The following PCNX4 variants were observed in gnomAD, a reference collection of about 807,000 sequenced individuals.
PCNX4 encodes the protein pecanex-like protein 4.
In PCNX4, 103 loss-of-function variants were observed where a neutral mutation model predicts 107.2. The observed-to-expected ratio is 0.96, with a 90% CI of 0.82 to 1.13. The LOEUF (loss-of-function observed/expected upper bound fraction) is 1.13. Among genes scored for constraint, PCNX4 ranks in the 50% most tolerant of loss-of-function variants. PCNX4 has a pLI of 0.00. For synonymous variants in PCNX4, 541 were observed against 481.7 expected, an observed-to-expected ratio of 1.12 and a Z score of -1.61; for missense variants, 1,528 against 1,379.4, an observed-to-expected ratio of 1.11 and a Z score of -1.71.
chr14:60,104,148 G>A (rs970826001), intron 1 of PCNX4, among the ~76,000 whole-genome samples: 5 of 151,770 alleles, frequency 3.3e-5, no homozygotes, highest in African/African-American at 7.3e-5. Flanking sequence ...GTGAAACCCC[G>A]TCTCCACTAA....
In PCNX4 at chr14:60,092,410, G is replaced by A. The variant is rs1368349437; in HGVS notation, c.-63G>A. On this transcript the variant is annotated 5_prime_UTR_variant, in exon 1 of 11. It adds an upstream start codon to the 5' untranslated region. Transcript: ENST00000406854. ...GCCTTCGCGTCTTCTCTTCCCTCGG[G>A]TGACTTGAGGTACGTTCGTTGTCCG... is the stretch of plus-strand genomic sequence containing the variant. 1 of 152,314 alleles carries A rather than the reference G, an allele frequency of 6.6e-6. No individual in the cohort carries two copies. The highest frequency in any genetic ancestry group is 1.5e-5 in the Non-Finnish European group (1 of 68,092). 9.4% of individuals were successfully genotyped at this position (152,314 alleles called of 1,614,324 possible).
At chr14:60,100,000 G>A (rs1352403417) in intron 1 of PCNX4, among the ~76,000 whole-genome samples, 1 of 152,106 alleles carries the variant, frequency 6.6e-6, no homozygotes, top group Non-Finnish European at 1.5e-5. Context: ...AGGAGGCAGA[G>A]GTTACAGTGA....
intron 2 of PCNX4, 200 bp downstream of exon 2, chr14:60,108,527 G>T (rs1191429034): frequency 1.5e-5 from 6 of 395,894 alleles, no homozygotes. Flanking sequence ...ACTTATTAAA[G>T]AGTTTTTTTA....
rs1228372712 is a variant in PCNX4, at chr14:60,108,283, A to G, written c.645A>G (p.Arg215=). ...QDTYEIIPLM[R]PLYIFFFVSV... is the part of the protein sequence containing the mutation. ...CTTATGAAATTATTCCTCTTATGAG[A>G]CCTCTTTATATTTTTTTCTTTGTTT... The change falls in exon 2 of 11, where the codon AGA becomes AGG. Residue 215 remains arginine, a synonymous_variant. Coordinates refer to ENST00000406854, the MANE Select transcript of PCNX4 (RefSeq NM_001330177.2). The G allele has an allele frequency of 5.6e-6, 9 of 1,610,514 alleles. No individual in the cohort carries two copies. In the African/African-American group the frequency reaches 9.4e-5, roughly 17 times the overall value.
chr14:60,094,449 C>T (rs1895380186), intron 1 of PCNX4, among the ~76,000 whole-genome samples: 2 of 152,294 alleles, frequency 1.3e-5, no homozygotes, highest in South Asian at 4.1e-4. Flanking sequence ...TGACACATTC[C>T]AGGCGAGTTT....
In PCNX4 at chr14:60,147,085, T is replaced by G. The variant is rs1428186167; in HGVS notation, c.*12864T>G. On this transcript the variant is annotated 3_prime_UTR_variant, in exon 11 of 11. Transcript: ENST00000406854. The stretch of plus-strand genomic sequence containing the variant: ...CCGTCTCTACAAAAACTACAAAACC[T>G]AGCCAGGCATGGTGGTGTGCGCCTA... The G allele has an allele frequency of 1.3e-5, 2 of 151,952 alleles. No homozygotes were observed. Among genetic ancestry groups the G allele is most frequent in the South Asian group, 2.1e-4 (1 of 4,816 alleles). The allele number at this position is 151,952 out of a possible 1,614,324, so 9.4% of individuals were successfully genotyped here. A position where few individuals can be genotyped will look rare whatever the true frequency, so the allele number is the denominator to read the frequency against.
rs749111462 is a variant in PCNX4 at position 60,115,479 on chromosome 14, A to G, written c.1357+18A>G. ...AACTTTAGGTAGGAAGATAAAGTCT[A>G]TTAACCTTGTGTTACAAATCATATC... On this transcript the variant is annotated intron_variant, in intron 4 of 10. Transcript: ENST00000406854. The G allele has an allele frequency of 4.1e-5, 62 of 1,511,626 alleles. 1 individual carries two copies. The highest frequency in any genetic ancestry group is 5.1e-5 in the Non-Finnish European group (58 of 1,139,338). 93.6% of individuals were successfully genotyped at this position (1,511,626 alleles called of 1,614,324 possible).
At chr14:60,133,100 C>A (rs904526467) in intron 10 of PCNX4, among the ~76,000 whole-genome samples, 1 of 152,070 alleles carries the variant, frequency 6.6e-6, no homozygotes, top group Non-Finnish European at 1.5e-5. Flanking sequence ...GTATGTATAC[C>A]TAAGAGAAAT....
At chr14:60,113,906 G>C (rs946570393) in intron 2 of PCNX4, among the ~76,000 whole-genome samples, 5 of 152,188 alleles carry the variant, frequency 3.3e-5, no homozygotes, top group African/African-American at 1.2e-4. Context: ...GAAGCAGTTT[G>C]ATGATGGTAC....
rs1260590772 is a variant in PCNX4, at chr14:60,137,323, G to C, written c.*3102G>C. The C allele has an allele frequency of 6.6e-6, 1 of 152,188 alleles. No homozygotes were observed. The highest frequency in any genetic ancestry group is 2.4e-5 in the African/African-American group (1 of 41,442). 9.4% of individuals were successfully genotyped at this position (152,188 alleles called of 1,614,324 possible). A position where few individuals can be genotyped will look rare whatever the true frequency, so the allele number is the denominator to read the frequency against. ...AGACCAAGACTCTCCAAGGAAGTAGGGGAGGGGAAAGGAATCCTAGTTAAC... is the reference window on the plus strand; with the variant it reads ...AGACCAAGACTCTCCAAGGAAGTAGCGGAGGGGAAAGGAATCCTAGTTAAC... On this transcript the variant is annotated 3_prime_UTR_variant, in exon 11 of 11. Transcript: ENST00000406854.
Position 60,125,677 on chromosome 14 carries a change from C to CTAT in PCNX4, c.3121_3122insTAT (p.Pro1041delinsLeuSer), listed in dbSNP as rs201595102. 10,242 of 1,576,660 alleles carry CTAT rather than the reference C, an allele frequency of 6.5e-3. 196 individuals carry two copies. The African/African-American group carries it at 0.073, about 11-fold the overall frequency. On this transcript the variant is annotated protein_altering_variant, in exon 10 of 11. Transcript: ENST00000406854. ...AATGATTGATAAAGCAAGTTTAGGTCCAATAGAAGACTTTAGAGAACTGAT... is the reference window on the plus strand; with the variant it reads ...AATGATTGATAAAGCAAGTTTAGGTCTATCAATAGAAGACTTTAGAGAACTGAT...
intron 2 of PCNX4, among the ~76,000 whole-genome samples, chr14:60,111,565 G>C (rs530896251): frequency 1.6e-4 from 25 of 152,160 alleles, no homozygotes; most frequent in African/African-American, 6.0e-4. Context: ...ACAAATTCTT[G>C]AGTTACTGTC....
rs1895304523 is a variant in PCNX4 at position 60,092,065 on chromosome 14, C to A, written c.-408C>A. The A allele has an allele frequency of 6.6e-6, 1 of 152,354 alleles. No homozygotes were observed. The highest frequency in any genetic ancestry group is 2.1e-4 in the South Asian group (1 of 4,838). 9.4% of individuals were successfully genotyped at this position (152,354 alleles called of 1,614,324 possible). A position where few individuals can be genotyped will look rare whatever the true frequency, so the allele number is the denominator to read the frequency against. On this transcript the variant is annotated 5_prime_UTR_variant, in exon 1 of 11. Coordinates refer to ENST00000406854, the MANE Select transcript of PCNX4 (RefSeq NM_001330177.2). ...GATGTTGGCCTAGTCCTGGCGCGAA[C>A]GAAGCGCGCTATTTCCCTGCTTCCT...
chr14:60,124,774 G>A lies in PCNX4; in HGVS notation c.2603G>A (p.Gly868Asp), dbSNP rs752043334. 6.2e-7 allele frequency: 1 copy of A among 1,613,250 alleles called. No homozygotes were observed. Among genetic ancestry groups the A allele is most frequent in the Admixed American group, 1.7e-5 (1 of 59,996 alleles). The change falls in exon 9 of 11, where the codon GGC becomes GAC. Residue 868 changes from glycine to aspartate, a missense_variant. By Grantham distance (94) the Gly-to-Asp change is moderately conservative. Transcript: ENST00000406854. ...ESQRVGDHST[G>D]TVPENDLYKA... Reference sequence around the variant, plus strand: ...CAGAGGGTTGGTGATCATTCTACAGGCACTGTTCCTGAAAACGATCTTTAC... The same window carrying A: ...CAGAGGGTTGGTGATCATTCTACAGACACTGTTCCTGAAAACGATCTTTAC...
chr14:60,105,536 TC>T (rs1277570596), intron 1 of PCNX4, among the ~76,000 whole-genome samples: 1 of 152,208 alleles, frequency 6.6e-6, no homozygotes, highest in Non-Finnish European at 1.5e-5. Context: ...GTGTGTGTAC[TC>T]TTTTTTTTGG....
Position 60,125,238 on chromosome 14 carries a change from C to T in PCNX4, c.3067C>T (p.Leu1023=). 2 of 1,567,966 alleles carry T rather than the reference C, an allele frequency of 1.3e-6. No individual in the cohort carries two copies. Among genetic ancestry groups the T allele is most frequent in the Non-Finnish European group, 1.7e-6 (2 of 1,160,982 alleles). ...TEKPELFQLA[L]KAFRYTLKLM... is the part of the protein sequence containing the mutation. ...AAAGCCAGAACTGTTTCAACTAGCA[C>T]TGAAAGCATTCAGGTAATCCATTTT... is the stretch of plus-strand genomic sequence containing the variant. The change falls in exon 9 of 11, where the codon CTG becomes TTG. Residue 1023 remains leucine, a synonymous_variant. Transcript: ENST00000406854.
Position 60,144,783 on chromosome 14 carries a change from TGCAAGA to T in PCNX4, c.*10563_*10568del. ...ATATAGTATGAGTTAATACCTTTTT[TGCAAGA>T]TTCATGGCAATCTTTTATTATTTAT... On this transcript the variant is annotated 3_prime_UTR_variant, in exon 11 of 11. Coordinates refer to ENST00000406854, the MANE Select transcript of PCNX4 (RefSeq NM_001330177.2). The T allele has an allele frequency of 3.3e-6, 2 of 600,296 alleles. No individual in the cohort carries two copies. Among genetic ancestry groups the T allele is most frequent in the Admixed American group, 3.0e-5 (1 of 33,756 alleles). The allele number at this position is 600,296 out of a possible 1,614,324, so 37.2% of individuals were successfully genotyped here. A position where few individuals can be genotyped will look rare whatever the true frequency, so the allele number is the denominator to read the frequency against.
At chr14:60,112,963 A>G (rs889124671) in intron 2 of PCNX4, among the ~76,000 whole-genome samples, 1 of 152,100 alleles carries the variant, frequency 6.6e-6, no homozygotes, top group African/African-American at 2.4e-5. Flanking sequence ...GCAGGCGGAT[A>G]ACGAGGTCAA....
At position 60,140,969 on chromosome 14, in the gene PCNX4, T is replaced by G. The variant is rs1011283503; in HGVS notation, c.*6748T>G. ...TAAGAAACTCATGGGATTTTGGCTA[T>G]GTAAGTGGCCAAATACTGCATAGGC... On this transcript the variant is annotated 3_prime_UTR_variant, in exon 11 of 11. Transcript: ENST00000406854. The surrounding 1 kb of genome is among the most constrained non-coding windows in gnomAD (Gnocchi z 4.2). 6.6e-6 allele frequency: 1 copy of G among 152,204 alleles called. No individual in the cohort carries two copies. Among genetic ancestry groups the G allele is most frequent in the Non-Finnish European group, 1.5e-5 (1 of 68,036 alleles). 9.4% of individuals were successfully genotyped at this position (152,204 alleles called of 1,614,324 possible).
Sources: gnomAD v4.1 joint callset for allele counts (sites outside exome capture counted in the v4.1 genomes callset) on GRCh38, gnomAD v4.1.1 for gene constraint, Gnocchi (gnomAD v3.1) non-coding constraint, MANE v1.5 for transcripts, NCBI Gene and HGNC (gene_info 2026-07-23, HGNC 2026-07-21) for gene names.